BARHL2: variants seen among roughly 807,000 people sequenced by gnomAD.
The protein encoded by BARHL2 is BarH like homeobox 2.
In BARHL2, 10 loss-of-function variants were observed where a neutral mutation model predicts 27.1. The observed-to-expected ratio is 0.37, with a 90% confidence interval of 0.23 to 0.63. The LOEUF (loss-of-function observed/expected upper bound fraction) is 0.63. Ranked by LOEUF, BARHL2 falls within the 20% of genes least tolerant of loss-of-function variation. BARHL2 has a pLI of 0.65. For synonymous variants in BARHL2, 248 were observed against 224.7 expected (o/e 1.10, Z -0.93); for missense variants, 483 against 533.5 (o/e 0.91, Z 0.93).
In BARHL2 at chr1:90,712,327, G is replaced by T; in HGVS notation, c.1149C>A (p.Thr383=). 6.8e-7 allele frequency: 1 copy of T among 1,473,252 alleles called. No individual in the cohort carries two copies. The highest frequency in any genetic ancestry group is 2.5e-5 in the East Asian group (1 of 40,300). The allele number at this position is 1,473,252 out of a possible 1,614,324, so 91.3% of individuals were successfully genotyped here. Residue 383 remains threonine, a synonymous_variant, in exon 3 of 3, where the codon ACC becomes ACA. Coordinates refer to ENST00000370445, the MANE Select transcript of BARHL2 (RefSeq NM_020063.2). The stretch of plus-strand genomic sequence containing the variant: ...TGCAATGTTTTCACCGGGGGTGTGG[G>T]GTGCCTGGGATGGGGCTGGACAATG... ...LNPLSSPIPG[T]PHPR
At chr1:90,713,025 C>G (rs1341961758) in intron 2 of BARHL2, among the ~76,000 whole-genome samples, 1 of 152,118 alleles carries the variant, frequency 6.6e-6, no homozygotes, top group Non-Finnish European at 1.5e-5. Flanking sequence ...TCTCCCAACT[C>G]CCAACAATCC....
Position 90,716,738 on chromosome 1 carries a change from G to C in BARHL2, c.458C>G (p.Pro153Arg). ...GCTGTAGGGTGCACATGCCGCCAGA[G>C]GTTTGCTGTCGCCCAAGATGTCCTT... ...LIKDILGDSK[P>R]LAACAPYSTS... is the part of the protein sequence containing the mutation. Residue 153 changes from proline (P) to arginine (R), a missense_variant, in exon 1 of 3, where the codon CCT becomes CGT. By Grantham distance (103) the Pro-to-Arg change is moderately radical. Around this residue, in one of 3 missense-constraint regions of BARHL2, gnomAD observed 304 missense variants for 284.9 expected, o/e 1.07. Transcript: ENST00000370445. The C allele has an allele frequency of 1.9e-6, 3 of 1,601,422 alleles. No individual in the cohort carries two copies. Among genetic ancestry groups the C allele is most frequent in the Non-Finnish European group, 2.6e-6 (3 of 1,173,510 alleles).
chr1:90,714,842 C>A, intron 1 of BARHL2, 86 bp from the exon 2 acceptor site: 1 of 1,303,934 alleles, frequency 7.7e-7, no homozygotes, highest in Non-Finnish European at 1.1e-6. Context: ...TCCACATTCC[C>A]AAGCCAACTA....
chr1:90,714,279 G>C (rs76709119), intron 2 of BARHL2, among the ~76,000 whole-genome samples: 3 of 152,136 alleles, frequency 2.0e-5, no homozygotes, highest in African/African-American at 7.2e-5. Context: ...CCAGCGGCTC[G>C]GGTTTCAGAG....
intron 2 of BARHL2, among the ~76,000 whole-genome samples, chr1:90,713,197 TGGGCAG>T (rs1658073801): frequency 6.6e-6 from 1 of 152,038 alleles, no homozygotes; most frequent in African/African-American, 2.4e-5. Context: ...GACCTTACAG[TGGGCAG>T]GGGGCTTAAG....
chr1:90,716,637 C>T lies in BARHL2; in HGVS notation c.559G>A (p.Glu187Lys). 1 of 1,614,082 alleles carries T rather than the reference C, an allele frequency of 6.2e-7. No individual in the cohort carries two copies. Among genetic ancestry groups the T allele is most frequent in the Non-Finnish European group, 8.5e-7 (1 of 1,180,002 alleles). ...AVHESFRPKLEQEDSKTKLDK... is the reference protein window; with the variant it reads ...AVHESFRPKLKQEDSKTKLDK... ...AGTTTGGTCTTGCTGTCCTCCTGCTCGAGCTTTGGCCTGAAGCTCTCGTGC... is the reference window on the plus strand; with the variant it reads ...AGTTTGGTCTTGCTGTCCTCCTGCTTGAGCTTTGGCCTGAAGCTCTCGTGC... The change falls in exon 1 of 3, where the codon GAG (glutamate) becomes AAG (lysine). Residue 187 changes from glutamate to lysine, a missense_variant. Physicochemically the swap from Glu to Lys is moderately conservative, Grantham distance 56 (BLOSUM62 1). This residue lies in a region of BARHL2 where 304 missense variants were observed against 284.9 expected (regional missense o/e 1.07). Coordinates refer to ENST00000370445, the MANE Select transcript of BARHL2 (RefSeq NM_020063.2).
At position 90,712,196 on chromosome 1, in the gene BARHL2, C is replaced by T; in HGVS notation, c.*116G>A. Reference sequence around the variant, plus strand: ...GCATCTTCCTCTCTTACTCCTCTGCCTTCCAGAGTTGGCTGCAAGGGAGGC... The same window carrying T: ...GCATCTTCCTCTCTTACTCCTCTGCTTTCCAGAGTTGGCTGCAAGGGAGGC... On this transcript the variant is annotated 3_prime_UTR_variant, in exon 3 of 3. Coordinates refer to ENST00000370445, the MANE Select transcript of BARHL2 (RefSeq NM_020063.2). The T allele has an allele frequency of 8.6e-7, 1 of 1,160,822 alleles. No homozygotes were observed. Among genetic ancestry groups the T allele is most frequent in the Non-Finnish European group, 1.2e-6 (1 of 866,462 alleles). 71.9% of individuals were successfully genotyped at this position (1,160,822 alleles called of 1,614,324 possible).
chr1:90,714,481 C>A (rs767029288), intron 2 of BARHL2, 50 bp downstream of exon 2: 1 of 1,532,472 alleles, frequency 6.5e-7, no homozygotes, highest in Non-Finnish European at 9.0e-7. Context: ...GTATAATGAT[C>A]ATGACTTAAA....
Position 90,711,737 on chromosome 1 carries a change from A to AT in BARHL2, c.*574dup, listed in dbSNP as rs1658035916. The AT allele has an allele frequency of 2.0e-5, 3 of 152,076 alleles. No individual in the cohort carries two copies. The highest frequency in any genetic ancestry group is 1.3e-4 in the Admixed American group (2 of 15,274). 9.4% of individuals were successfully genotyped at this position (152,076 alleles called of 1,614,324 possible). A position where few individuals can be genotyped will look rare whatever the true frequency, so the allele number is the denominator to read the frequency against. On this transcript the variant is annotated 3_prime_UTR_variant, in exon 3 of 3. Coordinates refer to ENST00000370445, the MANE Select transcript of BARHL2 (RefSeq NM_020063.2). ...TTATCACTCAGTCTTTCAAATGTAC[A>AT]TTTTTTTCATATTATGGAGCATGCC...
rs1658157074 is a variant in BARHL2 at position 90,716,823 on chromosome 1, G to C, written c.373C>G (p.Pro125Ala). The C allele has an allele frequency of 6.4e-7, 1 of 1,552,836 alleles. No individual in the cohort carries two copies. Among genetic ancestry groups the C allele is most frequent in the Non-Finnish European group, 8.7e-7 (1 of 1,147,962 alleles). ...GAGGCGGCCGAGCCCAGCTGCTGGG[G>C]GGGCGGCGGCGGCGGCTGCTGTGGC... ...LPPQQPPPPP[P>A]QQLGSAASAP... Residue 125 changes from proline (P) to alanine (A), a missense_variant, in exon 1 of 3, where the codon CCC becomes GCC. Pro to Ala is a conservative substitution (Grantham distance 27, BLOSUM62 -1). This residue lies in a region of BARHL2 where 304 missense variants were observed against 284.9 expected (regional missense o/e 1.07). Transcript: ENST00000370445.
chr1:90,714,504 T>C (rs753561730), intron 2 of BARHL2, 27 bp downstream of exon 2: 1 of 1,603,148 alleles, frequency 6.2e-7, no homozygotes. Context: ...GCCAGACACC[T>C]TTGCTCCCCC....
In BARHL2 at chr1:90,712,430, T is replaced by A. The variant is rs1310984098; in HGVS notation, c.1046A>T (p.His349Leu). Residue 349 changes from histidine (H) to leucine (L), a missense_variant, in exon 3 of 3, where the codon CAT becomes CTT. This residue lies in a region of BARHL2 where 130 missense variants were observed against 138.0 expected (regional missense o/e 0.94). Transcript: ENST00000370445. ...CACCAGGGGCCGCTGCAGCTGGGGA[T>A]GGGGTGCTGGAGGAGTCCGGTACAT... is the stretch of plus-strand genomic sequence containing the variant. ...SSMYRTPPAP[H>L]PQLQRPLVPR... is the part of the protein sequence containing the mutation. The A allele has an allele frequency of 3.7e-6, 6 of 1,610,720 alleles. No homozygotes were observed. The highest frequency in any genetic ancestry group is 3.4e-6 in the Non-Finnish European group (4 of 1,178,292).
At chr1:90,714,450 G>A in intron 2 of BARHL2, 81 bp downstream of exon 2, 1 of 1,364,938 alleles carries the variant, frequency 7.3e-7, no homozygotes, top group Non-Finnish European at 1.0e-6. Flanking sequence ...AGTCTCTGGA[G>A]GCCAGGAGGG....
At chr1:90,715,031 A>C (rs979990816) in intron 1 of BARHL2, among the ~76,000 whole-genome samples, 2 of 152,036 alleles carry the variant, frequency 1.3e-5, no homozygotes, top group African/African-American at 4.8e-5. Flanking sequence ...AAAAGTAAAA[A>C]TTTTTTTAAA....
Position 90,712,591 on chromosome 1 carries a change from C to T in BARHL2, c.885G>A (p.Leu295=). Residue 295 remains leucine, a synonymous_variant, in exon 3 of 3, where the codon CTG becomes CTA. Transcript: ENST00000370445. Reference sequence around the variant, plus strand: ...AGTTCCCTGCCTCGGCCAGCAACTCCAGGCCCACCGCTGTCTGCCGCTTCC... The same window carrying T: ...AGTTCCCTGCCTCGGCCAGCAACTCTAGGCCCACCGCTGTCTGCCGCTTCC... The part of the protein sequence containing the change: ...TKWKRQTAVG[L]ELLAEAGNYS... The T allele has an allele frequency of 6.2e-7, 1 of 1,611,666 alleles. No individual in the cohort carries two copies. Among genetic ancestry groups the T allele is most frequent in the Non-Finnish European group, 8.5e-7 (1 of 1,178,432 alleles).
Position 90,716,662 on chromosome 1 carries a change from C to T in BARHL2, c.534G>A (p.Val178=). ...CGAGCTTTGGCCTGAAGCTCTCGTG[C>T]ACTGCGTTGCTCTCCTGCTTCGGGG... is the stretch of plus-strand genomic sequence containing the variant. ...HHTPKQESNA[V]HESFRPKLEQ... Residue 178 remains valine (V), a synonymous_variant, in exon 1 of 3, where the codon GTG becomes GTA. Transcript: ENST00000370445. The T allele has an allele frequency of 6.2e-7, 1 of 1,613,706 alleles. No homozygotes were observed. Among genetic ancestry groups the T allele is most frequent in the Non-Finnish European group, 8.5e-7 (1 of 1,179,838 alleles).
At position 90,717,001 on chromosome 1, in the gene BARHL2, A is replaced by G. The variant is rs756898705; in HGVS notation, c.195T>C (p.Pro65=). The G allele has an allele frequency of 1.2e-6, 2 of 1,613,780 alleles. No homozygotes were observed. The highest frequency in any genetic ancestry group is 1.7e-6 in the Non-Finnish European group (2 of 1,179,886). Residue 65 remains proline (P), a synonymous_variant, in exon 1 of 3, where the codon CCT becomes CCC. Coordinates refer to ENST00000370445, the MANE Select transcript of BARHL2 (RefSeq NM_020063.2). ...IDTVGTAPSS[P]ISVTMEPPEP... is the part of the protein sequence containing the mutation. ...CCGGGGGCTCCATGGTGACTGAGAT[A>G]GGAGAAGAAGGCGCCGTCCCTACGG...
rs2100639773 is a variant in BARHL2, at chr1:90,712,517, C to G, written c.959G>C (p.Ser320Thr). The G allele has an allele frequency of 6.2e-7, 1 of 1,614,014 alleles. No individual in the cohort carries two copies. Among genetic ancestry groups the G allele is most frequent in the East Asian group, 2.2e-5 (1 of 44,852 alleles). The part of the protein sequence containing the change: ...MFPSPYFYHP[S>T]LLGSMDSTTA... Reference sequence around the variant, plus strand: ...AGTGCTGTCCATGCTGCCCAGCAGGCTTGGGTGATAGAAATAAGGCGATGG... The same window carrying G: ...AGTGCTGTCCATGCTGCCCAGCAGGGTTGGGTGATAGAAATAAGGCGATGG... The change falls in exon 3 of 3, where the codon AGC becomes ACC. Residue 320 changes from serine to threonine, a missense_variant. Around this residue, in one of 3 missense-constraint regions of BARHL2, gnomAD observed 130 missense variants for 138.0 expected, o/e 0.94. Transcript: ENST00000370445.
intron 2 of BARHL2, among the ~76,000 whole-genome samples, chr1:90,713,507 G>A (rs1658080506): frequency 6.6e-6 from 1 of 152,122 alleles, no homozygotes; most frequent in Non-Finnish European, 1.5e-5. Flanking sequence ...TAAACATGTC[G>A]CCCATTTTAA....
Sources: gnomAD v4.1 joint callset for allele counts (sites outside exome capture counted in the v4.1 genomes callset) on GRCh38, gnomAD v4.1.1 for gene constraint, gnomAD v4.1.1 regional missense constraint, MANE v1.5 for transcripts, NCBI Gene and HGNC (gene_info 2026-07-23, HGNC 2026-07-21) for gene names.